The following PTPRR variants were observed in gnomAD, a reference collection of about 807,000 sequenced individuals.
The protein encoded by PTPRR is protein tyrosine phosphatase receptor type R.
A neutral mutation model predicts 77.2 loss-of-function variants in PTPRR; 38 were observed. That is an observed-to-expected ratio of 0.49 (90% CI 0.38 to 0.65). The LOEUF (loss-of-function observed/expected upper bound fraction) is 0.65, where lower values mean the gene tolerates loss of function less well. PTPRR is among the 30% of genes least tolerant of loss of function. The probability of loss-of-function intolerance (pLI) is 0.00; values close to 1 mark genes in which losing one functional copy is unlikely to be tolerated. For missense variants in PTPRR, 744 were observed against 799.2 expected (o/e 0.93, Z 0.83); for synonymous variants, 299 against 283.1 (o/e 1.06, Z -0.57).
intron 10 of PTPRR, among the ~76,000 whole-genome samples, chr12:70,673,224 T>A (rs1263162520): frequency 1.3e-5 from 2 of 152,122 alleles, no homozygotes; most frequent in Non-Finnish European, 2.9e-5. Context: ...ACACACCCTC[T>A]AGGAAATGTC....
At chr12:70,691,373 T>C (rs73329576) in intron 8 of PTPRR, among the ~76,000 whole-genome samples, 7,261 of 152,238 alleles carry the variant, frequency 0.048, 351 homozygotes, top group African/African-American at 0.12. Context: ...CCTGCTCCCT[T>C]TTCGGTGGCC....
At chr12:70,819,388 G>T (rs926966098) in intron 2 of PTPRR, among the ~76,000 whole-genome samples, 1 of 152,160 alleles carries the variant, frequency 6.6e-6, no homozygotes, top group Non-Finnish European at 1.5e-5. Flanking sequence ...GCATTTATGG[G>T]CTTCATATGT....
chr12:70,644,793 C>G (rs1384048084), intron 13 of PTPRR, among the ~76,000 whole-genome samples: 1 of 152,096 alleles, frequency 6.6e-6, no homozygotes, highest in Non-Finnish European at 1.5e-5. Context: ...ATTAGTTTGC[C>G]CATTAAGTTC....
intron 2 of PTPRR, among the ~76,000 whole-genome samples, chr12:70,818,144 AG>A (rs1891938336): frequency 6.7e-6 from 1 of 150,138 alleles, no homozygotes; most frequent in Non-Finnish European, 1.5e-5. Context: ...CCCAGGATTG[AG>A]GCAGTTCAAG....
chr12:70,742,983 GAC>G (rs1236690287), intron 6 of PTPRR, among the ~76,000 whole-genome samples: 1 of 152,206 alleles, frequency 6.6e-6, no homozygotes, highest in African/African-American at 2.4e-5. Context: ...TCAGAGTAGT[GAC>G]ACAGAGTTCA....
intron 2 of PTPRR, among the ~76,000 whole-genome samples, chr12:70,772,514 A>G: frequency 6.6e-6 from 1 of 152,338 alleles, no homozygotes; most frequent in Middle Eastern, 3.4e-3. Flanking sequence ...AACTGGATTA[A>G]ATGCTCAATG....
intron 2 of PTPRR, among the ~76,000 whole-genome samples, chr12:70,858,659 A>T (rs948011216): frequency 1.3e-5 from 2 of 151,668 alleles, no homozygotes; most frequent in African/African-American, 4.8e-5. Context: ...CTATTATTTC[A>T]ATCATTTTCT....
intron 2 of PTPRR, among the ~76,000 whole-genome samples, chr12:70,841,576 T>C (rs549786226): frequency 2.9e-4 from 44 of 152,266 alleles, no homozygotes; most frequent in Non-Finnish European, 5.1e-4. Flanking sequence ...TGTTTAATAT[T>C]GTAAAGTAAG....
At chr12:70,765,414 C>A (rs954494556) in intron 2 of PTPRR, among the ~76,000 whole-genome samples, 4 of 152,178 alleles carry the variant, frequency 2.6e-5, no homozygotes, top group African/African-American at 9.7e-5. Context: ...ATTGCTAGCA[C>A]AGCAGTCTGA....
At chr12:70,697,596 G>A (rs938367577) in intron 8 of PTPRR, among the ~76,000 whole-genome samples, 10 of 151,888 alleles carry the variant, frequency 6.6e-5, no homozygotes, top group African/African-American at 2.4e-4. Flanking sequence ...GCTGCTGTTT[G>A]TGCTTTTGTT....
At chr12:70,680,734 C>G (rs1440254403) in intron 10 of PTPRR, among the ~76,000 whole-genome samples, 1 of 152,082 alleles carries the variant, frequency 6.6e-6, no homozygotes, top group Non-Finnish European at 1.5e-5. Flanking sequence ...TGGGGCTTGG[C>G]TTGCCAACTC....
intron 2 of PTPRR, among the ~76,000 whole-genome samples, chr12:70,872,064 AT>A (rs956789063): frequency 2.6e-4 from 40 of 152,130 alleles, no homozygotes; most frequent in African/African-American, 7.5e-4. Flanking sequence ...TCTTAGCTCT[AT>A]TTTTTTCTTA....
intron 2 of PTPRR, among the ~76,000 whole-genome samples, chr12:70,846,952 C>G (rs1430043222): frequency 1.3e-5 from 2 of 152,074 alleles, no homozygotes; most frequent in African/African-American, 4.8e-5. Context: ...GGGTATCTGC[C>G]TCTTCCCTCC....
intron 9 of PTPRR, 116 bp downstream of exon 9, chr12:70,684,588 G>T (rs529694116): frequency 6.6e-6 from 5 of 753,866 alleles, no homozygotes; most frequent in Non-Finnish European, 1.1e-5. Context: ...CAAACAAAAT[G>T]AAATCTTGCT....
intron 10 of PTPRR, among the ~76,000 whole-genome samples, chr12:70,680,267 C>T (rs1185472008): frequency 6.6e-6 from 1 of 152,018 alleles, no homozygotes; most frequent in Non-Finnish European, 1.5e-5. Flanking sequence ...CTGGAGGATT[C>T]TTCTGCTTCT....
At chr12:70,744,556 CAA>C (rs1258725088) in intron 6 of PTPRR, among the ~76,000 whole-genome samples, 4 of 152,158 alleles carry the variant, frequency 2.6e-5, no homozygotes, top group African/African-American at 9.7e-5. Flanking sequence ...GCAATACTTT[CAA>C]ATAATTATGA....
intron 2 of PTPRR, among the ~76,000 whole-genome samples, chr12:70,889,549 C>A (rs1427942970): frequency 6.6e-6 from 1 of 152,108 alleles, no homozygotes. Context: ...GTCACAGAAA[C>A]AATAGAATGT....
At chr12:70,675,168 T>C (rs1057113174) in intron 10 of PTPRR, among the ~76,000 whole-genome samples, 2 of 151,744 alleles carry the variant, frequency 1.3e-5, no homozygotes, top group Non-Finnish European at 2.9e-5. Context: ...GTTTGGTGTA[T>C]TTTTTTCCAT....
At chr12:70,668,076 T>A (rs7979929) in intron 10 of PTPRR, among the ~76,000 whole-genome samples, 65,947 of 151,954 alleles carry the variant, frequency 0.43, 18,771 homozygotes, top group African/African-American at 0.8. Flanking sequence ...AGAATGGTTA[T>A]AGATTTCTAA....
Sources: allele counts gnomAD v4.1 joint callset (sites outside exome capture counted in the v4.1 genomes callset), GRCh38; gene constraint gnomAD v4.1.1; transcripts MANE v1.5; gene names NCBI Gene and HGNC (gene_info 2026-07-23, HGNC 2026-07-21).